The following ZNF446 variants were observed in gnomAD, a reference collection of about 807,000 sequenced individuals.
The protein encoded by ZNF446 is zinc finger protein 446.
Under a neutral mutation model 34.0 loss-of-function variants are expected in ZNF446, and 42 were observed. That is an observed-to-expected ratio of 1.23 (90% CI 0.96 to 1.60). The LOEUF is 1.60. Ranked by LOEUF, ZNF446 falls within the 40% of genes most tolerant of loss-of-function variation. ZNF446 has a pLI of 0.00. For missense variants in ZNF446, 650 were observed against 600.2 expected, an observed-to-expected ratio of 1.08 and a Z score of -0.87; for synonymous variants, 315 against 251.0, an observed-to-expected ratio of 1.25 and a Z score of -2.41.
At chr19:58,481,629 G>A (rs138605671), downstream of ZNF446, among the ~76,000 whole-genome samples, 1,223 of 152,276 alleles carry the variant, frequency 8.0e-3, 65 homozygotes, top group Admixed American at 0.067. Context: ...GGGAAGCACC[G>A]GATCTCTGGG....
chr19:58,479,883 C>T, intron 5 of ZNF446, 47 bp from the exon 6 acceptor site: 8 of 1,473,348 alleles, frequency 5.4e-6, no homozygotes, highest in African/African-American at 1.4e-5. Context: ...GACCCCACCC[C>T]TCCTTCATGC....
At chr19:58,479,617 C>A (rs1389276879) in intron 4 of ZNF446, 26 bp from the exon 5 acceptor site, 2 of 1,611,426 alleles carry the variant, frequency 1.2e-6, no homozygotes, top group Non-Finnish European at 8.5e-7. Flanking sequence ...TGGAAAGACG[C>A]CTACAGTGAT....
In ZNF446 at chr19:58,480,577, T is replaced by C. The variant is rs2053131268; in HGVS notation, c.1204T>C (p.Cys402Arg). The C allele has an allele frequency of 4.3e-6, 7 of 1,612,610 alleles. No homozygotes were observed. The highest frequency in any genetic ancestry group is 5.9e-6 in the Non-Finnish European group (7 of 1,179,924). ...GAGTTACCCGTGTGAGGAGTGCGGG[T>C]GCAGCTTCAGCTGGAAGTCGCAGCT... ...PRSYPCEECG[C>R]SFSWKSQLVI... Residue 402 changes from cysteine (C) to arginine (R), a missense_variant, in exon 7 of 7, where the codon TGC (cysteine) becomes CGC (arginine). Coordinates refer to ENST00000594369, the MANE Select transcript of ZNF446 (RefSeq NM_017908.4). The surrounding 1 kb of genome is among the most constrained non-coding windows in gnomAD (Gnocchi z 7.2).
At chr19:58,486,380 T>C in the ZNF446 span, among the ~76,000 whole-genome samples, 1 of 145,408 alleles carries the variant, frequency 6.9e-6, no homozygotes, top group Non-Finnish European at 1.5e-5. Context: ...CCACCATTCC[T>C]GGCCCACACT....
rs2053125771 is a variant in ZNF446, at chr19:58,480,192, T to C, written c.819T>C (p.Gly273=). Residue 273 remains glycine, a synonymous_variant, in exon 7 of 7, where the codon GGT becomes GGC. Coordinates refer to ENST00000594369, the MANE Select transcript of ZNF446 (RefSeq NM_017908.4). The surrounding 1 kb of genome is among the most constrained non-coding windows in gnomAD (Gnocchi z 7.2). ...TGCCCCCAGGAAATGAGAGTGAGGG[T>C]CCACCTGGCTGCCCAGAGGCCCAGC... is the stretch of plus-strand genomic sequence containing the variant. The part of the protein sequence containing the change: ...RSLRSGNESE[G]PPGCPEAQPP... 6.3e-7 allele frequency: 1 copy of C among 1,594,338 alleles called. No individual in the cohort carries two copies. The highest frequency in any genetic ancestry group is 1.7e-5 in the Admixed American group (1 of 59,728).
chr19:58,479,042 G>A (rs915405048), intron 4 of ZNF446, among the ~76,000 whole-genome samples: 4 of 152,182 alleles, frequency 2.6e-5, no homozygotes, highest in Non-Finnish European at 4.4e-5. Flanking sequence ...TTCCTCTCCC[G>A]GCTCCTCTAA....
chr19:58,477,978 G>T (rs2053103980), intron 3 of ZNF446, 109 bp from the exon 4 acceptor site: 1 of 1,334,954 alleles, frequency 7.5e-7, no homozygotes. Context: ...TGGGAGGCAG[G>T]AGCCAAGGGC....
At position 58,481,227 on chromosome 19, in the gene ZNF446, A is replaced by T. The variant is rs1207198805; in HGVS notation, c.*501A>T. 1 of 156,614 alleles carries T rather than the reference A, an allele frequency of 6.4e-6. No homozygotes were observed. Among genetic ancestry groups the T allele is most frequent in the Non-Finnish European group, 1.4e-5 (1 of 70,814 alleles). 9.7% of individuals were successfully genotyped at this position (156,614 alleles called of 1,614,324 possible). A position where few individuals can be genotyped will look rare whatever the true frequency, so the allele number is the denominator to read the frequency against. ...ATTTTAACATAAATTCCACTTTCAT[A>T]ATATGGAGTTTCTGAATAAGAATCC... On this transcript the variant is annotated 3_prime_UTR_variant, in exon 7 of 7. Coordinates refer to ENST00000594369, the MANE Select transcript of ZNF446 (RefSeq NM_017908.4).
downstream of ZNF446, among the ~76,000 whole-genome samples, chr19:58,485,072 T>G (rs1040258714): frequency 1.3e-5 from 2 of 151,960 alleles, no homozygotes; most frequent in African/African-American, 4.8e-5. Context: ...GAAGCACATT[T>G]TATATGATCC....
rs775487509 is a variant in ZNF446, at chr19:58,477,300, C to T, written c.82C>T (p.Arg28Cys). 1.4e-5 allele frequency: 23 copies of T among 1,612,906 alleles called. No homozygotes were observed. The highest frequency in any genetic ancestry group is 1.9e-5 in the Non-Finnish European group (22 of 1,179,824). ...TLEEPETARL[R>C]FRGFCYQEVA... is the part of the protein sequence containing the mutation. ...TGAGGAGCCTGAGACTGCCCGCCTC[C>T]GCTTCCGAGGGTTCTGCTACCAGGA... The change falls in exon 2 of 7, where the codon CGC (arginine) becomes TGC (cysteine). Residue 28 changes from arginine (R) to cysteine (C), a missense_variant. Coordinates refer to ENST00000594369, the MANE Select transcript of ZNF446 (RefSeq NM_017908.4).
Position 58,477,293 on chromosome 19 carries a change from C to T in ZNF446, c.75C>T (p.Ala25=). 6.2e-7 allele frequency: 1 copy of T among 1,612,692 alleles called. No homozygotes were observed. Among genetic ancestry groups the T allele is most frequent in the Non-Finnish European group, 8.5e-7 (1 of 1,179,718 alleles). The change falls in exon 2 of 7, where the codon GCC becomes GCT. Residue 25 remains alanine, a synonymous_variant. Coordinates refer to ENST00000594369, the MANE Select transcript of ZNF446 (RefSeq NM_017908.4). ...PETTLEEPET[A]RLRFRGFCYQ... ...CCACCCTTGAGGAGCCTGAGACTGC[C>T]CGCCTCCGCTTCCGAGGGTTCTGCT...
the ZNF446 span, among the ~76,000 whole-genome samples, chr19:58,488,005 C>T: frequency 3.9e-5 from 6 of 152,220 alleles, no homozygotes; most frequent in East Asian, 9.6e-4. Context: ...CTGCCTTGCT[C>T]ATGGCCACAC....
In ZNF446 at chr19:58,481,202, A is replaced by C. The variant is rs114711961; in HGVS notation, c.*476A>C. 3.5e-3 allele frequency: 558 copies of C among 160,722 alleles called. 3 individuals carry two copies. The highest frequency in any genetic ancestry group is 0.013 in the African/African-American group (531 of 41,810). 10.0% of individuals were successfully genotyped at this position (160,722 alleles called of 1,614,324 possible). A position where few individuals can be genotyped will look rare whatever the true frequency, so the allele number is the denominator to read the frequency against. On this transcript the variant is annotated 3_prime_UTR_variant, in exon 7 of 7. Transcript: ENST00000594369. Reference sequence around the variant, plus strand: ...TCTCCTGCTCCCTGTGTGTGTTAGAATTTTAACATAAATTCCACTTTCATA... The same window carrying C: ...TCTCCTGCTCCCTGTGTGTGTTAGACTTTTAACATAAATTCCACTTTCATA...
the ZNF446 span, among the ~76,000 whole-genome samples, chr19:58,487,035 T>C: frequency 5.4e-4 from 81 of 149,460 alleles, no homozygotes; most frequent in South Asian, 1.5e-3. Context: ...TTGTGATCCG[T>C]CCACCTCGGC....
intron 4 of ZNF446, among the ~76,000 whole-genome samples, chr19:58,478,868 T>TC (rs1044352443): frequency 1.3e-5 from 2 of 151,434 alleles, no homozygotes; most frequent in East Asian, 1.9e-4. Flanking sequence ...GTGGCAGGAC[T>TC]CCCCCCACAC....
rs1319070201 is a variant in ZNF446 at position 58,477,489 on chromosome 19, C to G, written c.271C>G (p.Pro91Ala). 6.2e-7 allele frequency: 1 copy of G among 1,613,452 alleles called. No homozygotes were observed. The change falls in exon 2 of 7, where the codon CCA (proline) becomes GCA (alanine). Residue 91 changes from proline (P) to alanine (A), a missense_variant. By Grantham distance (27) the Pro-to-Ala change is conservative. Coordinates refer to ENST00000594369, the MANE Select transcript of ZNF446 (RefSeq NM_017908.4). ...EIQAWVRGQR[P>A]GSPEEAAALV... ...CCAGGCCTGGGTGCGCGGTCAGCGG[C>G]CAGGCAGTCCTGAGGAGGCCGCTGC...
At chr19:58,488,056 T>C in the ZNF446 span, among the ~76,000 whole-genome samples, 2 of 150,682 alleles carry the variant, frequency 1.3e-5, no homozygotes, top group African/African-American at 2.4e-5. Flanking sequence ...TTCACCTGCC[T>C]TGCCCGTGAC....
Position 58,480,913 on chromosome 19 carries a change from T to C in ZNF446, c.*187T>C, listed in dbSNP as rs1406187173. The stretch of plus-strand genomic sequence containing the variant: ...TGGGTGCAAGGAAAAGGAGCTGCTC[T>C]CTCTCTTCTTGCCCCTGCCTCCTAG... On this transcript the variant is annotated 3_prime_UTR_variant, in exon 7 of 7. Coordinates refer to ENST00000594369, the MANE Select transcript of ZNF446 (RefSeq NM_017908.4). This position sits in a 1 kb window ranked among gnomAD's most constrained non-coding sequence, Gnocchi z 7.2. The C allele has an allele frequency of 1.4e-6, 1 of 699,540 alleles. No homozygotes were observed. Among genetic ancestry groups the C allele is most frequent in the East Asian group, 2.7e-5 (1 of 36,548 alleles). 43.3% of individuals were successfully genotyped at this position (699,540 alleles called of 1,614,324 possible). A position where few individuals can be genotyped will look rare whatever the true frequency, so the allele number is the denominator to read the frequency against.
chr19:58,479,919 C>T lies in ZNF446; in HGVS notation c.713-11C>T, dbSNP rs200079201. On this transcript the variant is annotated splice_polypyrimidine_tract_variant and intron_variant, in intron 5 of 6. Transcript: ENST00000594369. ...AAACCCCATGCCTAACTGTGCCCCC[C>T]ACCCGGGCAGGGTTACCGCCCCACC... 2.6e-6 allele frequency: 4 copies of T among 1,560,304 alleles called. No individual in the cohort carries two copies. In the East Asian group the frequency reaches 7.1e-5, roughly 28 times the overall value.
Sources: allele counts gnomAD v4.1 joint callset (sites outside exome capture counted in the v4.1 genomes callset), GRCh38; gene constraint gnomAD v4.1.1; non-coding constraint Gnocchi (gnomAD v3.1); transcripts MANE v1.5; gene names NCBI Gene and HGNC (gene_info 2026-07-23, HGNC 2026-07-21).